Variants in ACSL4 observed in about 807,000 individuals in gnomAD.
The protein encoded by ACSL4 is long-chain-fatty-acid--CoA ligase 4.
ACSL4 carries 9 observed loss-of-function variants against 49.1 expected under a neutral mutation model. That is an observed-to-expected ratio of 0.18 (90% CI 0.11 to 0.32). The LOEUF is 0.32. Among genes scored for constraint, ACSL4 ranks in the 10% least tolerant of loss-of-function variants. ACSL4 has a pLI of 1.00. For missense variants in ACSL4, 333 were observed against 493.7 expected (o/e 0.67, Z 3.08); for synonymous variants, 191 against 170.3 (o/e 1.12, Z -0.95).
Position 109,681,276 on chromosome X carries a change from C to G in ACSL4, c.506G>C (p.Ser169Thr), listed in dbSNP as rs766849625. 9 of 1,208,902 alleles carry G rather than the reference C, an allele frequency of 7.4e-6. No homozygotes were observed. Among genetic ancestry groups the G allele is most frequent in the Non-Finnish European group, 1.0e-5 (9 of 892,949 alleles). The change falls in exon 5 of 16, where the codon AGT (serine) becomes ACT (threonine). Residue 169 changes from serine (S) to threonine (T), a missense_variant. Around this residue, in one of 3 missense-constraint regions of ACSL4, gnomAD observed 157 missense variants for 201.1 expected, o/e 0.78. Coordinates refer to ENST00000672401, the MANE Select transcript of ACSL4 (RefSeq NM_001318510.2). ...AAATTTCATATTTACCTTAAGTTTA[C>G]TTTCCAGAAGTTCAACACTGGTAAT... ...YLITSVELLE[S>T]KLKTALLDIS...
At chrX:109,720,311 C>T (rs1015331283) in intron 1 of ACSL4, among the ~76,000 whole-genome samples, 1 of 108,039 alleles carries the variant, frequency 9.3e-6, no homozygotes, top group Non-Finnish European at 1.9e-5. Flanking sequence ...GCCTAGGCAA[C>T]AGAGCGAGAC....
At chrX:109,730,483 T>C (rs1005723010) in intron 1 of ACSL4, among the ~76,000 whole-genome samples, 1 of 111,913 alleles carries the variant, frequency 8.9e-6, no homozygotes, top group African/African-American at 3.3e-5. Context: ...ACTGTTGTTG[T>C]TTTTAACAAA....
At chrX:109,651,969 TAGG>T (rs1315516278) in intron 15 of ACSL4, among the ~76,000 whole-genome samples, 8 of 111,612 alleles carry the variant, frequency 7.2e-5, no homozygotes, top group African/African-American at 9.8e-5. Flanking sequence ...TGAGAAAGGT[TAGG>T]AGAAGGAAAA....
chrX:109,693,391 T>C (rs1261175698), intron 2 of ACSL4, among the ~76,000 whole-genome samples: 1 of 112,138 alleles, frequency 8.9e-6, no homozygotes, highest in African/African-American at 3.2e-5. Context: ...AATGCTCACA[T>C]ATTAGCCGTA....
intron 2 of ACSL4, among the ~76,000 whole-genome samples, chrX:109,684,193 A>T (rs1046833946): frequency 2.7e-5 from 3 of 112,470 alleles, no homozygotes; most frequent in African/African-American, 9.7e-5. Flanking sequence ...TCATTAAGGT[A>T]AATTTCTCAG....
At position 109,644,249 on chromosome X, in the gene ACSL4, G is replaced by A. The variant is rs1157443287; in HGVS notation, c.1856-63C>T. ...GGGGGAAAGAGACGAGAAAGGAGTG[G>A]GGACGGGGAAAGAAGGGGAAGGAGA... is the stretch of plus-strand genomic sequence containing the variant. On this transcript the variant is annotated intron_variant, in intron 15 of 15. Coordinates refer to ENST00000672401, the MANE Select transcript of ACSL4 (RefSeq NM_001318510.2). The A allele has an allele frequency of 8.6e-6, 9 of 1,049,122 alleles. No individual in the cohort carries two copies. The South Asian group carries it at 1.0e-4, about 12-fold the overall frequency. The allele number at this position is 1,049,122 out of a possible 1,213,427, so 86.5% of individuals were successfully genotyped here.
chrX:109,647,874 C>A (rs1311017758), intron 15 of ACSL4, among the ~76,000 whole-genome samples: 4 of 111,073 alleles, frequency 3.6e-5, no homozygotes, highest in Non-Finnish European at 7.6e-5. Flanking sequence ...TACAAACTAC[C>A]ATCAGAGAAT....
intron 1 of ACSL4, among the ~76,000 whole-genome samples, chrX:109,725,225 G>A (rs1024823401): frequency 9.4e-6 from 1 of 106,519 alleles, no homozygotes; most frequent in Non-Finnish European, 1.9e-5. Context: ...GGGACTACAG[G>A]TGTGTGCCAC....
intron 9 of ACSL4, among the ~76,000 whole-genome samples, chrX:109,672,935 C>T (rs1923386064): frequency 9.0e-6 from 1 of 110,595 alleles, no homozygotes; most frequent in South Asian, 3.8e-4. Flanking sequence ...TATCTTTCTG[C>T]CCTCTGATCT....
intron 12 of ACSL4, among the ~76,000 whole-genome samples, chrX:109,664,320 G>A (rs986991651): frequency 9.0e-6 from 1 of 111,483 alleles, no homozygotes; most frequent in Non-Finnish European, 1.9e-5. Context: ...AGTAAAACTT[G>A]GTAAGGAGAT....
intron 15 of ACSL4, among the ~76,000 whole-genome samples, chrX:109,654,744 T>C (rs1217656906): frequency 8.9e-6 from 1 of 111,841 alleles, no homozygotes. Context: ...AGATAAGAGA[T>C]GAGGGGTAAA....
intron 15 of ACSL4, among the ~76,000 whole-genome samples, chrX:109,650,583 A>T (rs1048590131): frequency 2.5e-4 from 27 of 109,336 alleles, no homozygotes; most frequent in Non-Finnish European, 4.8e-4. Flanking sequence ...ATGCTAGATG[A>T]CAAGTTAGTG....
At chrX:109,699,389 T>C (rs1379292591) in intron 1 of ACSL4, among the ~76,000 whole-genome samples, 1 of 112,395 alleles carries the variant, frequency 8.9e-6, no homozygotes. Flanking sequence ...TTTTAGCATT[T>C]AATGTTCAAA....
intron 8 of ACSL4, among the ~76,000 whole-genome samples, chrX:109,677,624 C>CA (rs767020043): frequency 2.8e-5 from 3 of 108,491 alleles, no homozygotes; most frequent in Non-Finnish European, 3.8e-5. Context: ...ACTAAAAATA[C>CA]AAAAAAAATA....
intron 15 of ACSL4, among the ~76,000 whole-genome samples, chrX:109,645,863 T>C (rs1934662265): frequency 8.9e-6 from 1 of 112,028 alleles, no homozygotes; most frequent in Non-Finnish European, 1.9e-5. Flanking sequence ...GCTCGAGAAC[T>C]ACGTGAAGAA....
intron 2 of ACSL4, among the ~76,000 whole-genome samples, chrX:109,691,209 C>T (rs893034842): frequency 8.9e-6 from 1 of 112,076 alleles, no homozygotes; most frequent in Non-Finnish European, 1.9e-5. Flanking sequence ...GTTTTTAAAT[C>T]AATTTGAAAA....
At chrX:109,648,164 A>T (rs1380515366) in intron 15 of ACSL4, among the ~76,000 whole-genome samples, 7 of 111,833 alleles carry the variant, frequency 6.3e-5, no homozygotes, top group Admixed American at 9.5e-5. Flanking sequence ...ATCCTCCCTA[A>T]CTCATTTTAT....
intron 1 of ACSL4, among the ~76,000 whole-genome samples, chrX:109,709,888 C>T (rs1303967937): frequency 3.6e-5 from 4 of 111,339 alleles, no homozygotes; most frequent in Non-Finnish European, 7.5e-5. Flanking sequence ...AGGCGGATCA[C>T]GGAGGTCGGT....
chrX:109,648,752 A>G (rs1184005911), intron 15 of ACSL4, among the ~76,000 whole-genome samples: 1 of 103,622 alleles, frequency 9.7e-6, no homozygotes, highest in African/African-American at 3.5e-5. Flanking sequence ...TTTGCAGACG[A>G]CATGATTGTA....
Sources: allele counts gnomAD v4.1 joint callset (sites outside exome capture counted in the v4.1 genomes callset), GRCh38; gene constraint gnomAD v4.1.1; regional missense constraint gnomAD v4.1.1; transcripts MANE v1.5; gene names NCBI Gene and HGNC (gene_info 2026-07-23, HGNC 2026-07-21).